Variants in COL10A1 observed in about 807,000 individuals in gnomAD.
COL10A1 encodes the protein collagen alpha-1(X) chain.
COL10A1 carries 10 observed loss-of-function variants against 18.2 expected under a neutral mutation model. That is an observed-to-expected ratio of 0.55 (90% CI 0.34 to 0.93). The LOEUF (loss-of-function observed/expected upper bound fraction) is 0.93. Among genes scored for constraint, COL10A1 ranks in the 40% least tolerant of loss-of-function variants. The probability of loss-of-function intolerance (pLI) is 0.02; values close to 1 mark genes in which losing one functional copy is unlikely to be tolerated. For missense variants in COL10A1, 897 were observed against 853.5 expected (o/e 1.05, Z -0.64); for synonymous variants, 330 against 316.6 (o/e 1.04, Z -0.45).
chr6:116,122,042 G>A, intron 2 of COL10A1, 81 bp from the exon 3 acceptor site: 1 of 1,162,472 alleles, frequency 8.6e-7, no homozygotes, highest in Middle Eastern at 2.4e-4. Flanking sequence ...TTCAAACTAT[G>A]AATTGGGACA....
the COL10A1 span, among the ~76,000 whole-genome samples, chr6:116,195,181 A>G: frequency 6.6e-6 from 1 of 152,098 alleles, no homozygotes; most frequent in Non-Finnish European, 1.5e-5. Flanking sequence ...TAATTTCTAT[A>G]AAATAAAACA....
the COL10A1 span, among the ~76,000 whole-genome samples, chr6:116,208,942 C>A: frequency 6.6e-6 from 1 of 151,942 alleles, no homozygotes; most frequent in Non-Finnish European, 1.5e-5. Context: ...TGGGGATCCA[C>A]TGTGATTAAA....
At chr6:116,205,480 TA>T in the COL10A1 span, among the ~76,000 whole-genome samples, 64,468 of 151,746 alleles carry the variant, frequency 0.42, 17,643 homozygotes, top group African/African-American at 0.78. Flanking sequence ...GGTTGGAACT[TA>T]ACTGAGTCAG....
intron 1 of COL10A1, among the ~76,000 whole-genome samples, chr6:116,141,520 A>G (rs1011561896): frequency 2.0e-5 from 3 of 152,000 alleles, no homozygotes; most frequent in African/African-American, 7.2e-5. Context: ...TGTATATTCA[A>G]GAAAAAACGT....
chr6:116,168,656 G>T, the COL10A1 span, among the ~76,000 whole-genome samples: 1 of 151,252 alleles, frequency 6.6e-6, no homozygotes, highest in Admixed American at 6.6e-5. Flanking sequence ...ATATTATATT[G>T]TCTCCTTGAG....
intron 1 of COL10A1, among the ~76,000 whole-genome samples, chr6:116,141,862 A>T (rs1236107451): frequency 6.8e-6 from 1 of 147,670 alleles, no homozygotes; most frequent in Non-Finnish European, 1.5e-5. Context: ...TTATTTCAGT[A>T]AAAGATTTTC....
chr6:116,216,089 C>T, the COL10A1 span, among the ~76,000 whole-genome samples: 1 of 152,022 alleles, frequency 6.6e-6, no homozygotes, highest in African/African-American at 2.4e-5. Context: ...ATCTAGAGTA[C>T]CATGCTTAAT....
At chr6:116,182,869 C>G in the COL10A1 span, among the ~76,000 whole-genome samples, 9 of 151,516 alleles carry the variant, frequency 5.9e-5, no homozygotes, top group Middle Eastern at 6.8e-3. Flanking sequence ...GTATTTTTTG[C>G]TGTATATAAT....
the COL10A1 span, among the ~76,000 whole-genome samples, chr6:116,196,764 C>G: frequency 6.6e-6 from 1 of 151,842 alleles, no homozygotes; most frequent in Non-Finnish European, 1.5e-5. Context: ...TGCTGGCTCA[C>G]TCTCTCCACC....
At chr6:116,145,713 AAT>A (rs1482930906) in intron 1 of COL10A1, among the ~76,000 whole-genome samples, 25 of 152,184 alleles carry the variant, frequency 1.6e-4, no homozygotes, top group Admixed American at 1.4e-3. Context: ...TAAAATAAAA[AAT>A]AGTTTGTTTC....
the COL10A1 span, among the ~76,000 whole-genome samples, chr6:116,212,300 T>C: frequency 5.9e-5 from 9 of 152,042 alleles, no homozygotes; most frequent in African/African-American, 2.2e-4. Flanking sequence ...TGGAAAAGTA[T>C]AGTGAAAAAC....
At chr6:116,207,592 C>T in the COL10A1 span, among the ~76,000 whole-genome samples, 1 of 150,712 alleles carries the variant, frequency 6.6e-6, no homozygotes. Flanking sequence ...TAAAAAATAC[C>T]CAAAATATAT....
At chr6:116,176,867 C>T in the COL10A1 span, among the ~76,000 whole-genome samples, 3 of 152,174 alleles carry the variant, frequency 2.0e-5, no homozygotes, top group Admixed American at 2.0e-4. Flanking sequence ...GTCCTGTGAT[C>T]TTCTCACTTC....
chr6:116,164,879 C>T, the COL10A1 span, among the ~76,000 whole-genome samples: 4 of 151,820 alleles, frequency 2.6e-5, no homozygotes, highest in Non-Finnish European at 4.4e-5. Flanking sequence ...GTCAGGAGAT[C>T]GAGACCATCC....
upstream of COL10A1, among the ~76,000 whole-genome samples, chr6:116,161,613 C>T (rs1233586196): frequency 6.6e-6 from 1 of 152,060 alleles, no homozygotes; most frequent in Non-Finnish European, 1.5e-5. Context: ...CAGTAGCATG[C>T]TGTTTTGGTT....
intron 1 of COL10A1, among the ~76,000 whole-genome samples, chr6:116,131,741 G>A (rs1279710809): frequency 1.3e-5 from 2 of 151,996 alleles, no homozygotes; most frequent in East Asian, 1.9e-4. Flanking sequence ...TTGTGTCATG[G>A]GGCTTTATTG....
chr6:116,154,728 A>G (rs1780140242), intron 1 of COL10A1, among the ~76,000 whole-genome samples: 1 of 152,174 alleles, frequency 6.6e-6, no homozygotes, highest in Non-Finnish European at 1.5e-5. Context: ...ATAATTTCTC[A>G]TTCATTCTAT....
the COL10A1 span, among the ~76,000 whole-genome samples, chr6:116,171,277 A>G: frequency 6.6e-6 from 1 of 152,232 alleles, no homozygotes; most frequent in Non-Finnish European, 1.5e-5. Flanking sequence ...TACGAAGAAT[A>G]CACATTATAA....
At chr6:116,178,100 C>CAT in the COL10A1 span, among the ~76,000 whole-genome samples, 4 of 102,878 alleles carry the variant, frequency 3.9e-5, no homozygotes, top group Admixed American at 1.7e-4. Context: ...CGCGCGCGCG[C>CAT]GCGTGCGTGC....
Sources: gnomAD v4.1 joint callset for allele counts (sites outside exome capture counted in the v4.1 genomes callset) on GRCh38, gnomAD v4.1.1 for gene constraint, MANE v1.5 for transcripts, NCBI Gene and HGNC (gene_info 2026-07-23, HGNC 2026-07-21) for gene names.